Variants in RABGAP1L observed in about 807,000 individuals in gnomAD.
RABGAP1L encodes rab GTPase-activating protein 1-like.
Under a neutral mutation model 137.7 loss-of-function variants are expected in RABGAP1L, and 63 were observed. The observed-to-expected ratio is 0.46, with a 90% confidence interval of 0.37 to 0.56. The LOEUF is 0.56. RABGAP1L is among the 20% of genes least tolerant of loss of function. The pLI, the probability that RABGAP1L is intolerant of heterozygous loss-of-function variation, is 0.00. For synonymous variants in RABGAP1L, 431 were observed against 433.7 expected (o/e 0.99, Z 0.08); for missense variants, 1,095 against 1,244.0 (o/e 0.88, Z 1.80).
At chr1:174,626,926 G>C (rs184655184) in intron 13 of RABGAP1L, among the ~76,000 whole-genome samples, 103 of 152,312 alleles carry the variant, frequency 6.8e-4, no homozygotes, top group Admixed American at 1.9e-3. Flanking sequence ...GAGGCTCCCT[G>C]TGGAGTAAGA....
At chr1:174,627,986 C>G (rs1015204798) in intron 13 of RABGAP1L, among the ~76,000 whole-genome samples, 1 of 152,060 alleles carries the variant, frequency 6.6e-6, no homozygotes, top group East Asian at 1.9e-4. Context: ...TCTTTAAAAG[C>G]TAAATTCTAA....
intron 13 of RABGAP1L, among the ~76,000 whole-genome samples, chr1:174,443,528 G>A (rs1299049664): frequency 6.6e-6 from 1 of 152,022 alleles, no homozygotes; most frequent in African/African-American, 2.4e-5. Flanking sequence ...CCTCCTGTGA[G>A]AAATGTCTAT....
At chr1:174,350,271 G>A (rs1446628782) in intron 11 of RABGAP1L, among the ~76,000 whole-genome samples, 3 of 124,534 alleles carry the variant, frequency 2.4e-5, no homozygotes, top group Non-Finnish European at 3.5e-5. Context: ...GCTGCCGGGC[G>A]GAGAGGCTCC....
At chr1:174,856,714 G>A (rs1649371692) in intron 19 of RABGAP1L, among the ~76,000 whole-genome samples, 1 of 152,042 alleles carries the variant, frequency 6.6e-6, no homozygotes, top group Non-Finnish European at 1.5e-5. Flanking sequence ...ATCACCTGAG[G>A]ACAGGAGTTT....
rs1558333643 is a variant in RABGAP1L, at chr1:174,550,883, T to TAC, written c.1711-86491_1711-86490insCA. ...ATATATATATATATATATATATATA[T>TAC]ATATATATATATACACACACACATA... On this transcript the variant is annotated intron_variant, in intron 13 of 25. Transcript: ENST00000681986. Among the ~76,000 whole-genome samples the TAC allele has an allele frequency of 2.5e-3, 141 of 57,002 alleles. 12 individuals carry two copies. Among genetic ancestry groups the TAC allele is most frequent in the African/African-American group, 0.011 (110 of 9,832 alleles). 37.4% of individuals were successfully genotyped at this position (57,002 alleles called of 152,430 possible). A position where few individuals can be genotyped will look rare whatever the true frequency, so the allele number is the denominator to read the frequency against.
At chr1:174,659,604 A>G (rs533911829) in intron 14 of RABGAP1L, among the ~76,000 whole-genome samples, 44 of 152,310 alleles carry the variant, frequency 2.9e-4, no homozygotes, top group Middle Eastern at 3.4e-3. Flanking sequence ...TTGCATTGGT[A>G]GCCTCATTCA....
At chr1:174,719,652 A>T (rs1209524139) in intron 17 of RABGAP1L, among the ~76,000 whole-genome samples, 1 of 152,220 alleles carries the variant, frequency 6.6e-6, no homozygotes, top group Non-Finnish European at 1.5e-5. Flanking sequence ...ATAAGACAAG[A>T]TGGAGTATTG....
At chr1:174,377,068 GA>G (rs1264976180) in intron 12 of RABGAP1L, among the ~76,000 whole-genome samples, 3 of 151,992 alleles carry the variant, frequency 2.0e-5, no homozygotes, top group Non-Finnish European at 2.9e-5. Flanking sequence ...CACTGGCAGT[GA>G]AAAATTGGAA....
chr1:174,511,442 AAAAT>A (rs1331145086), intron 13 of RABGAP1L, among the ~76,000 whole-genome samples: 1 of 152,214 alleles, frequency 6.6e-6, no homozygotes, highest in Non-Finnish European at 1.5e-5. Context: ...ACAAGAAACT[AAAAT>A]AAATTAAGCC....
At chr1:174,222,294 T>A (rs183384674) in intron 3 of RABGAP1L, among the ~76,000 whole-genome samples, 3 of 152,228 alleles carry the variant, frequency 2.0e-5, no homozygotes, top group Non-Finnish European at 4.4e-5. Context: ...GGGATTATCC[T>A]AATTGGCTTA....
chr1:174,514,259 A>T (rs1013463949), intron 13 of RABGAP1L, among the ~76,000 whole-genome samples: 1 of 151,124 alleles, frequency 6.6e-6, no homozygotes, highest in Admixed American at 6.6e-5. Flanking sequence ...AAAAAAAAAA[A>T]AAAAAAAAAA....
At chr1:174,478,099 T>C (rs1558267610) in intron 13 of RABGAP1L, among the ~76,000 whole-genome samples, 1 of 152,166 alleles carries the variant, frequency 6.6e-6, no homozygotes, top group Non-Finnish European at 1.5e-5. Context: ...AATATTTATC[T>C]AGTATATGCA....
intron 3 of RABGAP1L, among the ~76,000 whole-genome samples, chr1:174,224,807 A>T (rs534004227): frequency 6.6e-6 from 1 of 152,246 alleles, no homozygotes; most frequent in East Asian, 1.9e-4. Flanking sequence ...ATTGTTTCTG[A>T]TAACAAATCT....
At chr1:174,925,354 C>CAAAAAAA (rs545791515) in intron 19 of RABGAP1L, among the ~76,000 whole-genome samples, 2 of 54,764 alleles carry the variant, frequency 3.7e-5, no homozygotes, top group Non-Finnish European at 7.7e-5. Flanking sequence ...GACTCCGTCT[C>CAAAAAAA]AAAAAAAAAA....
intron 23 of RABGAP1L, 128 bp downstream of exon 23, chr1:174,979,018 G>A: frequency 3.2e-6 from 4 of 1,269,732 alleles, no homozygotes; most frequent in Non-Finnish European, 4.0e-6. Flanking sequence ...ATATCTACAA[G>A]GAAAAAAAAT....
At chr1:174,603,012 G>T (rs903277946) in intron 13 of RABGAP1L, among the ~76,000 whole-genome samples, 1 of 152,100 alleles carries the variant, frequency 6.6e-6, no homozygotes, top group Admixed American at 6.5e-5. Flanking sequence ...ATAGATGTTT[G>T]TTAGAGTCTG....
rs57654087 is a variant in RABGAP1L at position 174,519,823 on chromosome 1, C to T, written c.1711-117552C>T. On this transcript the variant is annotated intron_variant, in intron 13 of 25. Coordinates refer to ENST00000681986, the MANE Select transcript of RABGAP1L (RefSeq NM_001366446.1). ...TGATGTAAAAATCACTGGCCTTTAA[C>T]AACAGTTTGATTTCAAACCCATTAA... Among the ~76,000 whole-genome samples, 815 of 152,282 alleles carry T rather than the reference C, an allele frequency of 5.4e-3. 10 individuals are homozygous for T. The highest frequency in any genetic ancestry group is 0.019 in the African/African-American group (771 of 41,550).
intron 19 of RABGAP1L, among the ~76,000 whole-genome samples, chr1:174,830,465 A>G (rs1049199380): frequency 6.9e-6 from 1 of 145,176 alleles, no homozygotes; most frequent in Non-Finnish European, 1.5e-5. Context: ...TTTTTTTGCC[A>G]TGAGGTGTTA....
At chr1:174,863,602 G>A (rs991975314) in intron 19 of RABGAP1L, among the ~76,000 whole-genome samples, 1 of 151,504 alleles carries the variant, frequency 6.6e-6, no homozygotes, top group Non-Finnish European at 1.5e-5. Flanking sequence ...GAACCCGGGA[G>A]GCGGAGCTTG....
Sources: gnomAD v4.1 joint callset for allele counts (sites outside exome capture counted in the v4.1 genomes callset) on GRCh38, gnomAD v4.1.1 for gene constraint, MANE v1.5 for transcripts, NCBI Gene and HGNC (gene_info 2026-07-23, HGNC 2026-07-21) for gene names.